The following CNTN5 variants were observed in gnomAD, a reference collection of about 807,000 sequenced individuals.
The protein encoded by CNTN5 is contactin-5.
In CNTN5, 77 loss-of-function variants were observed where a neutral mutation model predicts 129.1. That is an observed-to-expected ratio of 0.60 (90% CI 0.50 to 0.72). The LOEUF (loss-of-function observed/expected upper bound fraction) is 0.72. Among genes scored for constraint, CNTN5 ranks in the 30% least tolerant of loss-of-function variants. The pLI, the probability that CNTN5 is intolerant of heterozygous loss-of-function variation, is 0.00. For missense variants in CNTN5, 1,478 were observed against 1,328.8 expected, an observed-to-expected ratio of 1.11 and a Z score of -1.75; for synonymous variants, 509 against 465.6, an observed-to-expected ratio of 1.09 and a Z score of -1.20.
At chr11:99,201,321 G>T (rs146279483) in intron 1 of CNTN5, among the ~76,000 whole-genome samples, 19,245 of 81,384 alleles carry the variant, frequency 0.24, 1,422 homozygotes, top group Middle Eastern at 0.39. Context: ...ACTGCGCCTG[G>T]CCCCTTCCTT....
At chr11:100,182,197 G>A (rs184884672) in intron 13 of CNTN5, among the ~76,000 whole-genome samples, 28 of 152,136 alleles carry the variant, frequency 1.8e-4, no homozygotes, top group African/African-American at 6.5e-4. Flanking sequence ...AAGCCTGTGG[G>A]AAAATACAGT....
chr11:99,688,650 C>T (rs770956545), intron 3 of CNTN5, among the ~76,000 whole-genome samples: 64 of 152,046 alleles, frequency 4.2e-4, no homozygotes, highest in Middle Eastern at 3.4e-3. Flanking sequence ...CCAGGATGTG[C>T]GGTTTTGTTA....
chr11:99,105,883 C>G (rs1866970728), intron 1 of CNTN5, among the ~76,000 whole-genome samples: 1 of 152,092 alleles, frequency 6.6e-6, no homozygotes, highest in African/African-American at 2.4e-5. Context: ...CTAATATTTT[C>G]TAGGTTTGTC....
chr11:99,650,080 G>A (rs944581999), intron 3 of CNTN5, among the ~76,000 whole-genome samples: 1 of 151,708 alleles, frequency 6.6e-6, no homozygotes, highest in Non-Finnish European at 1.5e-5. Flanking sequence ...TTTCTGAACT[G>A]TTGAGCTATA....
intron 1 of CNTN5, among the ~76,000 whole-genome samples, chr11:99,075,582 TTC>T (rs1865528039): frequency 6.6e-6 from 1 of 152,188 alleles, no homozygotes; most frequent in Non-Finnish European, 1.5e-5. Context: ...TGTAGTAATA[TTC>T]TTTTTCTATT....
intron 7 of CNTN5, among the ~76,000 whole-genome samples, chr11:99,916,899 G>A (rs1258175165): frequency 6.6e-6 from 1 of 152,026 alleles, no homozygotes; most frequent in Non-Finnish European, 1.5e-5. Context: ...AAGGAATGAA[G>A]GCCTTAATTA....
intron 1 of CNTN5, among the ~76,000 whole-genome samples, chr11:99,222,614 G>A (rs115158510): frequency 1.9e-3 from 287 of 152,022 alleles, no homozygotes; most frequent in African/African-American, 6.5e-3. Context: ...ATAAACCATT[G>A]CATTTTTCAT....
intron 3 of CNTN5, among the ~76,000 whole-genome samples, chr11:99,715,802 T>C (rs1955194232): frequency 6.6e-6 from 1 of 151,998 alleles, no homozygotes; most frequent in Non-Finnish European, 1.5e-5. Flanking sequence ...TTCATATTCA[T>C]GAATTATTCC....
chr11:99,129,645 G>T (rs552636193), intron 1 of CNTN5, among the ~76,000 whole-genome samples: 1 of 152,158 alleles, frequency 6.6e-6, no homozygotes, highest in East Asian at 1.9e-4. Context: ...AAGATCTACT[G>T]CAAGACACAT....
Position 99,667,571 on chromosome 11 carries a change from G to A in CNTN5, c.55+111302G>A, listed in dbSNP as rs568734955. ...TACTCAATAAATGTAAATTGAAATC[G>A]ATAAATTTCAAAGCTATTAAAATAC... On this transcript the variant is annotated intron_variant, in intron 3 of 24. Coordinates refer to ENST00000524871, the MANE Select transcript of CNTN5 (RefSeq NM_014361.4). Among the ~76,000 whole-genome samples the A allele has an allele frequency of 5.9e-5, 9 of 152,206 alleles. No homozygotes were observed. The South Asian group carries it at 1.5e-3, about 25-fold the overall frequency.
At chr11:99,565,424 G>C (rs1219816127) in intron 3 of CNTN5, among the ~76,000 whole-genome samples, 1 of 152,160 alleles carries the variant, frequency 6.6e-6, no homozygotes, top group Non-Finnish European at 1.5e-5. Flanking sequence ...ATTCTTCTGA[G>C]GGTACAGTCA....
At chr11:100,127,522 G>A (rs1737997211) in intron 13 of CNTN5, among the ~76,000 whole-genome samples, 1 of 151,900 alleles carries the variant, frequency 6.6e-6, no homozygotes, top group African/African-American at 2.4e-5. Context: ...TCATTCCCTG[G>A]AAGTGGTTAA....
chr11:99,625,919 TATATACAC>T (rs1351523915), intron 3 of CNTN5, among the ~76,000 whole-genome samples: 1,662 of 61,018 alleles, frequency 0.027, 18 homozygotes, highest in Middle Eastern at 0.082. Flanking sequence ...TATATATATA[TATATACAC>T]ACACACACAC....
chr11:100,297,553 T>G, intron 18 of CNTN5, 72 bp from the exon 19 acceptor site: 1 of 1,131,082 alleles, frequency 8.8e-7, no homozygotes, highest in Non-Finnish European at 1.3e-6. Context: ...AACTTCTGAC[T>G]TATCTCAGGA....
chr11:99,657,759 C>T (rs1029495214), intron 3 of CNTN5, among the ~76,000 whole-genome samples: 1 of 151,980 alleles, frequency 6.6e-6, no homozygotes, highest in Non-Finnish European at 1.5e-5. Flanking sequence ...GTGACTACAT[C>T]TGTTATGTCA....
intron 1 of CNTN5, among the ~76,000 whole-genome samples, chr11:99,203,142 A>G (rs77259776): frequency 0.014 from 2,127 of 152,272 alleles, 37 homozygotes; most frequent in African/African-American, 0.047. Flanking sequence ...TTAAATATTC[A>G]TAATAAGAAT....
chr11:99,315,577 A>C (rs1865304440), intron 1 of CNTN5, among the ~76,000 whole-genome samples: 1 of 149,646 alleles, frequency 6.7e-6, no homozygotes, highest in African/African-American at 2.4e-5. Flanking sequence ...AGTAATTGAC[A>C]AGGAACATTA....
chr11:99,478,380 G>A (rs575631346), intron 2 of CNTN5, among the ~76,000 whole-genome samples: 1 of 152,172 alleles, frequency 6.6e-6, no homozygotes, highest in Non-Finnish European at 1.5e-5. Context: ...TCTCTACCTT[G>A]GTAACAGCAA....
chr11:99,561,640 A>C (rs749385259), intron 3 of CNTN5, among the ~76,000 whole-genome samples: 98 of 15,522 alleles, frequency 6.3e-3, no homozygotes, highest in Non-Finnish European at 0.012. Flanking sequence ...ATTAGCAGAG[A>C]TAAGTCATGT....
Sources: allele counts gnomAD v4.1 joint callset (sites outside exome capture counted in the v4.1 genomes callset), GRCh38; gene constraint gnomAD v4.1.1; transcripts MANE v1.5; gene names NCBI Gene and HGNC (gene_info 2026-07-23, HGNC 2026-07-21).